The following HHAT variants were observed in gnomAD, a reference collection of about 807,000 sequenced individuals.
HHAT encodes hedgehog acyltransferase.
In HHAT, 47 loss-of-function variants were observed where a neutral mutation model predicts 70.8. The observed-to-expected ratio is 0.66, with a 90% CI of 0.53 to 0.85. The LOEUF is 0.85. Ranked by LOEUF, HHAT falls within the 40% of genes least tolerant of loss-of-function variation. The pLI, the probability that HHAT is intolerant of heterozygous loss-of-function variation, is 0.00. For synonymous variants in HHAT, 228 were observed against 247.6 expected (o/e 0.92, Z 0.74); for missense variants, 609 against 604.8 (o/e 1.01, Z -0.07).
At chr1:210,530,320 C>T (rs992797986) in intron 9 of HHAT, among the ~76,000 whole-genome samples, 2 of 152,078 alleles carry the variant, frequency 1.3e-5, no homozygotes, top group African/African-American at 4.8e-5. Context: ...TACATATCAG[C>T]CTTTACCTTA....
chr1:210,648,730 G>T (rs1674560737), intron 11 of HHAT, among the ~76,000 whole-genome samples: 4 of 152,234 alleles, frequency 2.6e-5, no homozygotes, highest in African/African-American at 9.6e-5. Flanking sequence ...CCCAGGTGAA[G>T]ATTTATTTGT....
intron 7 of HHAT, among the ~76,000 whole-genome samples, chr1:210,449,854 T>C (rs2093712592): frequency 6.6e-6 from 1 of 152,190 alleles, no homozygotes; most frequent in Non-Finnish European, 1.5e-5. Context: ...TTCTACTCGC[T>C]AATTCGCTCT....
intron 10 of HHAT, among the ~76,000 whole-genome samples, chr1:210,601,956 A>AGAGAGAGT (rs374229402): frequency 7.7e-5 from 7 of 91,176 alleles, no homozygotes; most frequent in African/African-American, 2.5e-4. Context: ...AGAGAGAGAG[A>AGAGAGAGT]GTATGTGTGT....
intron 1 of HHAT, among the ~76,000 whole-genome samples, chr1:210,344,108 A>C (rs561899312): frequency 2.2e-4 from 34 of 152,240 alleles, no homozygotes; most frequent in Non-Finnish European, 4.1e-4. Context: ...TGGTGCCAGA[A>C]TGTATCACTG....
chr1:210,417,519 G>C (rs1288625397), intron 6 of HHAT, among the ~76,000 whole-genome samples: 3 of 152,234 alleles, frequency 2.0e-5, no homozygotes, highest in Non-Finnish European at 4.4e-5. Context: ...CTAGGTGTGA[G>C]CCACCATGCC....
At chr1:210,605,758 C>G (rs910458185) in intron 10 of HHAT, among the ~76,000 whole-genome samples, 1 of 152,164 alleles carries the variant, frequency 6.6e-6, no homozygotes, top group Non-Finnish European at 1.5e-5. Flanking sequence ...TCTTGGGTCC[C>G]TTTCCCCAGC....
chr1:210,587,991 TG>T lies in HHAT; in HGVS notation c.1139del (p.Gly380AlafsTer60). Reference sequence around the variant, plus strand: ...CATTTGCATTTGTGAGCTACTGGCATGGCGGCTACGACTACCTCTGGTGCTG... The same window carrying T: ...CATTTGCATTTGTGAGCTACTGGCATGCGGCTACGACTACCTCTGGTGCTG... ...MTFAFVSYWHGGYDYLWCWAA... is the reference protein window; with the variant it reads ...MTFAFVSYWHXGYDYLWCWAA... On this transcript the variant is annotated frameshift_variant, in exon 10 of 12. Transcript: ENST00000261458. LOFTEE classifies it high-confidence loss of function. 6.2e-7 allele frequency: 1 copy of T among 1,614,134 alleles called. No individual in the cohort carries two copies. Among genetic ancestry groups the T allele is most frequent in the East Asian group, 2.2e-5 (1 of 44,878 alleles).
rs1015421548 is a variant in HHAT, at chr1:210,543,860, A to G, written c.1043+30672A>G. 2.0e-5 allele frequency among the ~76,000 whole-genome samples: 3 copies of G among 152,178 alleles called. No homozygotes were observed. In the South Asian group the frequency reaches 6.2e-4, roughly 31 times the overall value. ...CCTCTCTGCCCATAGGGATAAATTCATCGAGGCCTCATATCCAGTCCCAGC... is the reference window on the plus strand; with the variant it reads ...CCTCTCTGCCCATAGGGATAAATTCGTCGAGGCCTCATATCCAGTCCCAGC... On this transcript the variant is annotated intron_variant, in intron 9 of 11. Coordinates refer to ENST00000261458, the MANE Select transcript of HHAT (RefSeq NM_018194.6).
At chr1:210,589,290 C>T (rs1306434037) in intron 10 of HHAT, 3 of 151,904 alleles carry the variant, frequency 2.0e-5, no homozygotes, top group South Asian at 2.1e-4. Context: ...TGAAATAAAC[C>T]GAGTAGTCAA....
At chr1:210,374,100 C>G (rs994710794) in intron 3 of HHAT, 17 of 151,486 alleles carry the variant, frequency 1.1e-4, no homozygotes, top group Admixed American at 8.0e-4. Context: ...TCACTTAAGC[C>G]TAAAGTTGCA....
rs374495612 is a variant in HHAT, at chr1:210,400,645, G to A, written c.451G>A (p.Gly151Ser). 7 of 1,612,632 alleles carry A rather than the reference G, an allele frequency of 4.3e-6. No individual in the cohort carries two copies. The African/African-American group carries it at 8.0e-5, about 18-fold the overall frequency. ...CCTCCTCTCCACACTGAGGCTGCAG[G>A]GTGTGGAAGAAGTTAAGGTAAGTGT... ...LLLLSTLRLQ[G>S]VEEVKRRWYK... Residue 151 changes from glycine to serine, a missense_variant, in exon 5 of 12, where the codon GGT (glycine) becomes AGT (serine). By Grantham distance (56) the Gly-to-Ser change is moderately conservative. Transcript: ENST00000261458.
At chr1:210,606,481 A>AGATATCTGC (rs112645142) in intron 10 of HHAT, among the ~76,000 whole-genome samples, 38 of 151,722 alleles carry the variant, frequency 2.5e-4, no homozygotes, top group Admixed American at 9.2e-4. Context: ...ACATGGTCAG[A>AGATATCTGC]GGTATCTGCT....
At chr1:210,350,858 C>G (rs146613294) in intron 2 of HHAT, among the ~76,000 whole-genome samples, 92 of 152,260 alleles carry the variant, frequency 6.0e-4, no homozygotes, top group African/African-American at 1.9e-3. Context: ...TCTGGTTTCT[C>G]ACCATTAAGT....
intron 8 of HHAT, among the ~76,000 whole-genome samples, chr1:210,494,742 A>G (rs1461601946): frequency 6.6e-6 from 1 of 150,860 alleles, no homozygotes; most frequent in Non-Finnish European, 1.5e-5. Flanking sequence ...TGGTAGAGAC[A>G]GGGTTTCACC....
intron 5 of HHAT, among the ~76,000 whole-genome samples, chr1:210,401,647 T>C (rs775676850): frequency 1.1e-4 from 17 of 152,224 alleles, no homozygotes; most frequent in Non-Finnish European, 1.5e-5. Flanking sequence ...TCTTATTTTA[T>C]AGGCACTTAC....
intron 6 of HHAT, among the ~76,000 whole-genome samples, chr1:210,413,235 C>G (rs2092618521): frequency 6.6e-6 from 1 of 152,230 alleles, no homozygotes; most frequent in Non-Finnish European, 1.5e-5. Flanking sequence ...GTATATCTTT[C>G]CAGCCTTTCA....
chr1:210,381,278 ATT>A (rs995044472), intron 3 of HHAT, among the ~76,000 whole-genome samples: 1 of 151,882 alleles, frequency 6.6e-6, no homozygotes, highest in East Asian at 1.9e-4. Flanking sequence ...ATTTAAAAAA[ATT>A]TTTTACTTTT....
chr1:210,332,501 C>T (rs544626433), intron 1 of HHAT, among the ~76,000 whole-genome samples: 5 of 152,226 alleles, frequency 3.3e-5, no homozygotes, highest in South Asian at 4.1e-4. Context: ...TATTTCAATT[C>T]GCCTAGTTTA....
chr1:210,414,481 CA>C (rs1357488747), intron 6 of HHAT, among the ~76,000 whole-genome samples: 2 of 151,098 alleles, frequency 1.3e-5, no homozygotes, highest in African/African-American at 4.9e-5. Flanking sequence ...TACATAGCTA[CA>C]AAAAAAATCT....
Sources: allele counts gnomAD v4.1 joint callset (sites outside exome capture counted in the v4.1 genomes callset), GRCh38; gene constraint gnomAD v4.1.1; transcripts MANE v1.5; gene names NCBI Gene and HGNC (gene_info 2026-07-23, HGNC 2026-07-21).